Variants in GALNT13 observed in about 807,000 individuals in gnomAD.
GALNT13 encodes the protein polypeptide N-acetylgalactosaminyltransferase 13.
In GALNT13, 28 loss-of-function variants were observed where a neutral mutation model predicts 64.2. That is an observed-to-expected ratio of 0.44 (90% CI 0.32 to 0.60). The LOEUF (loss-of-function observed/expected upper bound fraction) is 0.60, where lower values mean the gene tolerates loss of function less well. GALNT13 is among the 20% of genes least tolerant of loss of function. GALNT13 has a pLI of 0.05. For synonymous variants in GALNT13, 214 were observed against 224.6 expected, an observed-to-expected ratio of 0.95 and a Z score of 0.42; for missense variants, 577 against 669.8, an observed-to-expected ratio of 0.86 and a Z score of 1.53.
At chr2:153,788,742 G>A in the GALNT13 span, among the ~76,000 whole-genome samples, 75 of 152,152 alleles carry the variant, frequency 4.9e-4, no homozygotes, top group Non-Finnish European at 7.5e-4. Context: ...TCAAAATAAA[G>A]GGATGGAGGG....
intron 1 of GALNT13, among the ~76,000 whole-genome samples, chr2:153,895,936 TA>T (rs1464031472): frequency 6.7e-6 from 1 of 150,178 alleles, no homozygotes; most frequent in Non-Finnish European, 1.5e-5. Flanking sequence ...AGTGTAATGA[TA>T]AAAAAAGATA....
At chr2:153,696,694 A>G in the GALNT13 span, among the ~76,000 whole-genome samples, 1 of 152,162 alleles carries the variant, frequency 6.6e-6, no homozygotes, top group Non-Finnish European at 1.5e-5. Flanking sequence ...ATACGTTTGG[A>G]CTGCAGTTGA....
At chr2:153,796,793 C>G in the GALNT13 span, among the ~76,000 whole-genome samples, 6 of 152,106 alleles carry the variant, frequency 3.9e-5, no homozygotes, top group South Asian at 2.1e-4. Context: ...TGGTGCCATA[C>G]ATTTTAAAAA....
chr2:153,919,988 A>G (rs1415472445), intron 2 of GALNT13, among the ~76,000 whole-genome samples: 1 of 148,106 alleles, frequency 6.8e-6, no homozygotes, highest in African/African-American at 2.4e-5. Flanking sequence ...CAGTTATATT[A>G]TATATATTAT....
At chr2:153,162,083 T>A in the GALNT13 span, among the ~76,000 whole-genome samples, 1,875 of 152,190 alleles carry the variant, frequency 0.012, 49 homozygotes, top group African/African-American at 0.043. Context: ...TGACATGAGA[T>A]AAGGAGGATG....
At chr2:153,451,904 G>A in the GALNT13 span, among the ~76,000 whole-genome samples, 2 of 152,124 alleles carry the variant, frequency 1.3e-5, no homozygotes, top group African/African-American at 4.8e-5. Flanking sequence ...ACTGAGTGGA[G>A]GATTCATTTA....
At chr2:153,923,578 A>G (rs1423716235) in intron 2 of GALNT13, among the ~76,000 whole-genome samples, 1 of 151,964 alleles carries the variant, frequency 6.6e-6, no homozygotes, top group Admixed American at 6.6e-5. Context: ...TCTAGGGTAC[A>G]TGTGCACAAC....
chr2:154,436,227 A>G (rs994782871), intron 11 of GALNT13: 2 of 152,214 alleles, frequency 1.3e-5, no homozygotes, highest in East Asian at 3.8e-4. Flanking sequence ...TATAATTTAT[A>G]TACACATATA....
At chr2:153,304,062 G>A in the GALNT13 span, among the ~76,000 whole-genome samples, 1 of 151,668 alleles carries the variant, frequency 6.6e-6, no homozygotes, top group Admixed American at 6.6e-5. Flanking sequence ...CTGGGGTGGT[G>A]GGGGACTGGC....
the GALNT13 span, among the ~76,000 whole-genome samples, chr2:153,536,916 A>C: frequency 2.0e-5 from 3 of 152,392 alleles, no homozygotes; most frequent in Non-Finnish European, 4.4e-5. Flanking sequence ...ATATTTATAA[A>C]ATAGTATGAT....
At chr2:153,455,467 G>A in the GALNT13 span, among the ~76,000 whole-genome samples, 1 of 152,198 alleles carries the variant, frequency 6.6e-6, no homozygotes, top group Non-Finnish European at 1.5e-5. Flanking sequence ...TGCTGGAAGA[G>A]GCTGGCTGCT....
intron 9 of GALNT13, among the ~76,000 whole-genome samples, chr2:154,338,618 G>T (rs137931717): frequency 6.6e-6 from 1 of 152,094 alleles, no homozygotes; most frequent in South Asian, 2.1e-4. Context: ...TAAAATGTGG[G>T]CAAGAGCCCC....
intron 9 of GALNT13, among the ~76,000 whole-genome samples, chr2:154,382,592 A>T (rs1698323114): frequency 6.6e-6 from 1 of 152,014 alleles, no homozygotes; most frequent in South Asian, 2.1e-4. Context: ...TGGTTATTGA[A>T]ATTTTCCTCA....
At chr2:153,716,503 A>C in the GALNT13 span, among the ~76,000 whole-genome samples, 1 of 152,246 alleles carries the variant, frequency 6.6e-6, no homozygotes, top group African/African-American at 2.4e-5. Context: ...GATAGCTCCC[A>C]AGCAGCCAAG....
intron 9 of GALNT13, among the ~76,000 whole-genome samples, chr2:154,327,706 A>G (rs1480928648): frequency 1.3e-5 from 2 of 152,134 alleles, no homozygotes; most frequent in Non-Finnish European, 2.9e-5. Flanking sequence ...ACACAGGAAT[A>G]CTACTGATAC....
intron 9 of GALNT13, among the ~76,000 whole-genome samples, chr2:154,370,504 C>G (rs1697623542): frequency 6.6e-6 from 1 of 151,996 alleles, no homozygotes; most frequent in Non-Finnish European, 1.5e-5. Flanking sequence ...AGTTAGTCAA[C>G]AGGGTTTGTG....
At chr2:154,375,080 G>A (rs934888950) in intron 9 of GALNT13, among the ~76,000 whole-genome samples, 1 of 152,010 alleles carries the variant, frequency 6.6e-6, no homozygotes, top group Admixed American at 6.6e-5. Context: ...TCCGGTTCCC[G>A]GGGTTCATGC....
At chr2:154,407,537 T>A (rs969937543) in intron 10 of GALNT13, among the ~76,000 whole-genome samples, 10 of 152,144 alleles carry the variant, frequency 6.6e-5, no homozygotes, top group Non-Finnish European at 1.5e-5. Flanking sequence ...ATAGGTTCAA[T>A]CCCTTCTAGT....
intron 9 of GALNT13, among the ~76,000 whole-genome samples, chr2:154,354,473 A>G (rs1215834213): frequency 9.3e-6 from 1 of 107,892 alleles, no homozygotes; most frequent in African/African-American, 3.6e-5. Flanking sequence ...TTGGTGTGAT[A>G]TCTAAAAAAT....
Sources: allele counts gnomAD v4.1 joint callset (sites outside exome capture counted in the v4.1 genomes callset), GRCh38; gene constraint gnomAD v4.1.1; transcripts MANE v1.5; gene names NCBI Gene and HGNC (gene_info 2026-07-23, HGNC 2026-07-21).